Variants in DNAI1 observed in about 807,000 individuals in gnomAD.
DNAI1 encodes dynein, axonemal, intermediate polypeptide 1.
Under a neutral mutation model 92.0 loss-of-function variants are expected in DNAI1, and 67 were observed. The ratio of observed to expected loss-of-function variants is 0.73; its 90% confidence interval spans 0.60 to 0.89. The LOEUF is 0.89. Among genes scored for constraint, DNAI1 ranks in the 40% least tolerant of loss-of-function variants. The probability of loss-of-function intolerance (pLI) is 0.00; values close to 1 mark genes in which losing one functional copy is unlikely to be tolerated. For missense variants in DNAI1, 839 were observed against 866.6 expected (o/e 0.97, Z 0.40); for synonymous variants, 323 against 319.6 (o/e 1.01, Z -0.11).
rs1271867592 is a variant in DNAI1 at position 34,492,493 on chromosome 9, G to GAGAGATATATATAT, written c.682-700_682-699insGAGATATATATATA. ...TCCGGGGTGGGGGTGGGGATATGAA[G>GAGAGATATATATAT]ATATATATATATATATATATATATA... On this transcript the variant is annotated intron_variant, in intron 8 of 19. Coordinates refer to ENST00000242317, the MANE Select transcript of DNAI1 (RefSeq NM_012144.4). 2.6e-4 allele frequency among the ~76,000 whole-genome samples: 18 copies of GAGAGATATATATAT among 68,256 alleles called. No individual in the cohort carries two copies. In the South Asian group the frequency reaches 2.7e-3, roughly 10 times the overall value. 44.8% of individuals were successfully genotyped at this position (68,256 alleles called of 152,430 possible). A position where few individuals can be genotyped will look rare whatever the true frequency, so the allele number is the denominator to read the frequency against.
At chr9:34,491,575 G>A in intron 8 of DNAI1, 21 bp downstream of exon 8, 2 of 1,614,036 alleles carry the variant, frequency 1.2e-6, no homozygotes, top group South Asian at 2.2e-5. Flanking sequence ...GGGCCAGCCT[G>A]AAACCTCTTA....
Position 34,514,381 on chromosome 9 carries a change from C to T in DNAI1, c.1570-13C>T, listed in dbSNP as rs1382059956. On this transcript the variant is annotated splice_polypyrimidine_tract_variant and intron_variant, in intron 16 of 19. Transcript: ENST00000242317. ...TTTCTCTCACTTCTGACCCCCGTTC[C>T]CTCCCCGACCAGTGCTCTAAATCCT... The T allele has an allele frequency of 1.2e-6, 2 of 1,613,446 alleles. No individual in the cohort carries two copies. Among genetic ancestry groups the T allele is most frequent in the East Asian group, 4.5e-5 (2 of 44,880 alleles).
intron 10 of DNAI1, among the ~76,000 whole-genome samples, chr9:34,500,200 C>A (rs1381054876): frequency 1.3e-5 from 2 of 152,074 alleles, no homozygotes; most frequent in African/African-American, 2.4e-5. Flanking sequence ...ATTTTGTGGG[C>A]AGGAGATGAA....
chr9:34,493,263 A>G lies in DNAI1; in HGVS notation c.751A>G (p.Lys251Glu). The change falls in exon 9 of 20, where the codon AAG (lysine) becomes GAG (glutamate). Residue 251 changes from lysine to glutamate, a missense_variant. Coordinates refer to ENST00000242317, the MANE Select transcript of DNAI1 (RefSeq NM_012144.4). Reference sequence around the variant, plus strand: ...AAAGACCAAAGAGAAGGAGAAGGCAAAGACCCCAGTGGCTAAAAAATCAGG... The same window carrying G: ...AAAGACCAAAGAGAAGGAGAAGGCAGAGACCCCAGTGGCTAAAAAATCAGG... ...QEKTKEKEKA[K>E]TPVAKKSGKM... 6.2e-7 allele frequency: 1 copy of G among 1,614,176 alleles called. No homozygotes were observed. The highest frequency in any genetic ancestry group is 8.5e-7 in the Non-Finnish European group (1 of 1,180,024).
At chr9:34,491,590 C>T (rs1234872509) in intron 8 of DNAI1, 36 bp downstream of exon 8, 1 of 1,610,530 alleles carries the variant, frequency 6.2e-7, no homozygotes, top group Admixed American at 1.7e-5. Context: ...CTCTTACCAC[C>T]CACCTCTATG....
intron 18 of DNAI1, among the ~76,000 whole-genome samples, chr9:34,517,041 A>G (rs1049721029): frequency 3.3e-5 from 5 of 152,250 alleles, no homozygotes; most frequent in Admixed American, 6.5e-5. Flanking sequence ...CACCACGCCC[A>G]GCCTATAGCT....
chr9:34,465,281 G>A (rs756030048), intron 1 of DNAI1, among the ~76,000 whole-genome samples: 1 of 152,186 alleles, frequency 6.6e-6, no homozygotes, highest in Non-Finnish European at 1.5e-5. Flanking sequence ...AGATAAAGGA[G>A]AAAGATTAAA....
At chr9:34,475,382 A>G (rs1824218443) in intron 1 of DNAI1, among the ~76,000 whole-genome samples, 2 of 152,182 alleles carry the variant, frequency 1.3e-5, no homozygotes, top group Admixed American at 1.3e-4. Flanking sequence ...CTTTCCAGGA[A>G]CAATCATGTT....
chr9:34,467,189 T>C (rs1053668786), intron 1 of DNAI1, among the ~76,000 whole-genome samples: 5 of 152,206 alleles, frequency 3.3e-5, no homozygotes, highest in Admixed American at 2.6e-4. Flanking sequence ...TCAGATTTCT[T>C]CTAGTCCAAT....
intron 1 of DNAI1, among the ~76,000 whole-genome samples, chr9:34,471,163 A>G (rs917488062): frequency 6.6e-6 from 1 of 152,280 alleles, no homozygotes; most frequent in Non-Finnish European, 1.5e-5. Context: ...GTGGTGGCTC[A>G]TGCCTGTAAT....
chr9:34,504,413 C>T (rs1299423291), intron 12 of DNAI1, among the ~76,000 whole-genome samples: 3 of 152,212 alleles, frequency 2.0e-5, no homozygotes. Context: ...CACACAAAAT[C>T]CATCACTCCT....
intron 10 of DNAI1, among the ~76,000 whole-genome samples, chr9:34,500,505 G>T (rs543250376): frequency 6.6e-6 from 1 of 152,262 alleles, no homozygotes; most frequent in Admixed American, 6.5e-5. Flanking sequence ...CTAACACATA[G>T]AGCTTACTAT....
intron 4 of DNAI1, among the ~76,000 whole-genome samples, chr9:34,487,736 C>T (rs1824502199): frequency 1.3e-5 from 2 of 152,116 alleles, no homozygotes; most frequent in Non-Finnish European, 1.5e-5. Flanking sequence ...CTTCTTGCCC[C>T]TCATTTAGGA....
rs146667046 is a variant in DNAI1 at position 34,471,127 on chromosome 9, G to A, written c.48+12074G>A. The stretch of plus-strand genomic sequence containing the variant: ...TTAATAGAAAGGTATAGTTTTAAAC[G>A]CTGTATTAGAAAAGAAAGGCTAAGT... On this transcript the variant is annotated intron_variant, in intron 1 of 19. Coordinates refer to ENST00000242317, the MANE Select transcript of DNAI1 (RefSeq NM_012144.4). Among the ~76,000 whole-genome samples the A allele has an allele frequency of 1.8e-3, 276 of 152,126 alleles. 2 individuals are homozygous for A. The highest frequency in any genetic ancestry group is 6.3e-3 in the African/African-American group (263 of 41,504).
chr9:34,462,827 C>A (rs908383658), intron 1 of DNAI1, among the ~76,000 whole-genome samples: 2 of 152,128 alleles, frequency 1.3e-5, no homozygotes, highest in Admixed American at 1.3e-4. Flanking sequence ...TGTAAATATT[C>A]ATGCAGTAAT....
At chr9:34,484,350 G>A (rs948916397) in intron 2 of DNAI1, among the ~76,000 whole-genome samples, 11 of 152,176 alleles carry the variant, frequency 7.2e-5, no homozygotes, top group Non-Finnish European at 1.5e-4. Context: ...TTGGGTAAAA[G>A]AGTATAAACA....
intron 1 of DNAI1, among the ~76,000 whole-genome samples, chr9:34,473,273 CTTATTATTATTA>C (rs5897573): frequency 1.0e-4 from 15 of 146,086 alleles, no homozygotes; most frequent in East Asian, 2.0e-4. Context: ...CTAAATCAAG[CTTATTATTATTA>C]TTATTATTAT....
At chr9:34,515,139 A>T (rs750524325) in intron 18 of DNAI1, among the ~76,000 whole-genome samples, 2 of 152,226 alleles carry the variant, frequency 1.3e-5, no homozygotes, top group Admixed American at 6.5e-5. Flanking sequence ...GGAGTGTGCA[A>T]GCTGATTCTG....
Position 34,493,176 on chromosome 9 carries a change from T to C in DNAI1, c.682-18T>C, listed in dbSNP as rs549279182. ...GATTGCACCTTACAATGATCCTTCTTATCTCACCCTTGCCTAGTGGGAGAT... is the reference window on the plus strand; with the variant it reads ...GATTGCACCTTACAATGATCCTTCTCATCTCACCCTTGCCTAGTGGGAGAT... On this transcript the variant is annotated intron_variant, in intron 8 of 19. Transcript: ENST00000242317. The C allele has an allele frequency of 1.2e-6, 2 of 1,614,206 alleles. No individual in the cohort carries two copies. Among genetic ancestry groups the C allele is most frequent in the South Asian group, 1.1e-5 (1 of 91,084 alleles).
Sources: allele counts gnomAD v4.1 joint callset (sites outside exome capture counted in the v4.1 genomes callset), GRCh38; gene constraint gnomAD v4.1.1; transcripts MANE v1.5; gene names NCBI Gene and HGNC (gene_info 2026-07-23, HGNC 2026-07-21).